CLIC5: variants seen among roughly 807,000 people sequenced by gnomAD.
CLIC5 encodes CLIC family member 5, also known as chloride intracellular channel protein 5.
In CLIC5, 20 loss-of-function variants were observed where a neutral mutation model predicts 24.7. The observed-to-expected ratio is 0.81, with a 90% CI of 0.57 to 1.18. The LOEUF is 1.18. CLIC5 is among the 50% of genes most tolerant of loss of function. The pLI is 0.00. For missense variants in CLIC5, 341 were observed against 326.1 expected, an observed-to-expected ratio of 1.05 and a Z score of -0.35; for synonymous variants, 159 against 135.6, an observed-to-expected ratio of 1.17 and a Z score of -1.20.
At chr6:45,908,307 A>C (rs933617818) in intron 5 of CLIC5, among the ~76,000 whole-genome samples, 1 of 152,080 alleles carries the variant, frequency 6.6e-6, no homozygotes, top group Admixed American at 6.5e-5. Context: ...TTCTTTTACT[A>C]TACTAGCTTT....
At chr6:45,976,161 A>T (rs1765377921) in intron 1 of CLIC5, among the ~76,000 whole-genome samples, 1 of 152,188 alleles carries the variant, frequency 6.6e-6, no homozygotes, top group East Asian at 1.9e-4. Context: ...TCACCTATGG[A>T]GAGATGAAGG....
intron 1 of CLIC5, among the ~76,000 whole-genome samples, chr6:45,977,947 T>G (rs1462610723): frequency 6.6e-6 from 1 of 152,144 alleles, no homozygotes; most frequent in East Asian, 1.9e-4. Flanking sequence ...CCCTGTAGCT[T>G]GCTGCAGTGG....
At chr6:46,129,494 A>T in the CLIC5 span, 1 of 152,214 alleles carries the variant, frequency 6.6e-6, no homozygotes, top group Non-Finnish European at 1.5e-5. Context: ...CCTTACTTGT[A>T]AACTATTACC....
chr6:46,031,245 C>T (rs528868918), intron 1 of CLIC5, among the ~76,000 whole-genome samples: 1 of 152,320 alleles, frequency 6.6e-6, no homozygotes, highest in East Asian at 1.9e-4. Flanking sequence ...CCTTGCCCCT[C>T]ATCCTTTCTG....
intron 1 of CLIC5, among the ~76,000 whole-genome samples, chr6:45,994,370 C>T (rs1456538889): frequency 1.3e-5 from 2 of 152,104 alleles, no homozygotes; most frequent in African/African-American, 4.8e-5. Context: ...AGCCATTGTC[C>T]TCAGCAAACT....
At chr6:46,018,491 C>CA (rs1045462263), upstream of CLIC5, among the ~76,000 whole-genome samples, 8 of 151,672 alleles carry the variant, frequency 5.3e-5, no homozygotes, top group Admixed American at 1.3e-4. Flanking sequence ...CTTCATGCTG[C>CA]AAAAAAAATA....
intron 1 of CLIC5, among the ~76,000 whole-genome samples, chr6:46,035,536 G>A (rs184197543): frequency 4.6e-5 from 7 of 152,190 alleles, no homozygotes; most frequent in Non-Finnish European, 8.8e-5. Flanking sequence ...ATTGAATCTT[G>A]CAGAATTGTG....
chr6:46,011,095 G>A (rs1269443268), intron 1 of CLIC5, among the ~76,000 whole-genome samples: 6 of 152,158 alleles, frequency 3.9e-5, no homozygotes, highest in African/African-American at 9.7e-5. Flanking sequence ...AAGACTAGTC[G>A]TTTCCATCAG....
At chr6:45,892,251 A>C (rs1208915671) in intron 6 of CLIC5, 3 of 138,130 alleles carry the variant, frequency 2.2e-5, no homozygotes. Flanking sequence ...AAGAAAATAG[A>C]TATGGTACAG....
chr6:45,928,177 C>G (rs1162911952), intron 4 of CLIC5, among the ~76,000 whole-genome samples: 5 of 152,114 alleles, frequency 3.3e-5, no homozygotes, highest in African/African-American at 1.2e-4. Flanking sequence ...CAACAAATTA[C>G]CCTCTCTAAA....
chr6:45,954,883 C>T (rs1283367729), intron 2 of CLIC5, among the ~76,000 whole-genome samples: 1 of 152,200 alleles, frequency 6.6e-6, no homozygotes, highest in Non-Finnish European at 1.5e-5. Context: ...AGTTGCAATG[C>T]CATTGTCCAT....
the CLIC5 span, among the ~76,000 whole-genome samples, chr6:46,104,907 A>C: frequency 6.6e-6 from 1 of 152,196 alleles, no homozygotes; most frequent in East Asian, 1.9e-4. Context: ...TCCAGCTTGC[A>C]GTGTGACAGC....
intron 1 of CLIC5, among the ~76,000 whole-genome samples, chr6:45,997,010 A>G (rs1213239213): frequency 6.6e-6 from 1 of 152,182 alleles, no homozygotes; most frequent in Non-Finnish European, 1.5e-5. Context: ...CTGGGTATAT[A>G]CCCAAAAGAC....
intron 4 of CLIC5, among the ~76,000 whole-genome samples, chr6:45,923,414 C>T (rs1467375020): frequency 6.6e-6 from 1 of 152,250 alleles, no homozygotes; most frequent in African/African-American, 2.4e-5. Flanking sequence ...TGTCTTGTTT[C>T]ATCCTCAAAT....
intron 1 of CLIC5, among the ~76,000 whole-genome samples, chr6:46,063,153 T>C (rs1015978506): frequency 3.3e-5 from 5 of 152,214 alleles, no homozygotes; most frequent in African/African-American, 1.2e-4. Flanking sequence ...TCTCACAATG[T>C]CACTTTAATG....
At chr6:45,963,798 C>G (rs532092624) in intron 1 of CLIC5, among the ~76,000 whole-genome samples, 1 of 152,158 alleles carries the variant, frequency 6.6e-6, no homozygotes, top group Non-Finnish European at 1.5e-5. Context: ...GAATTTGCCT[C>G]ATTTCAATTA....
chr6:45,981,668 T>A lies in CLIC5; in HGVS notation c.64-26424A>T, dbSNP rs146325793. On this transcript the variant is annotated intron_variant, in intron 1 of 5. Transcript: ENST00000339561. Reference sequence around the variant, plus strand: ...TTGCTGTTCAGTTTTGGTGGGCATCTACCAAGGGAACCACTCTGGAGGAAG... The same window carrying A: ...TTGCTGTTCAGTTTTGGTGGGCATCAACCAAGGGAACCACTCTGGAGGAAG... Among the ~76,000 whole-genome samples, 30 of 152,260 alleles carry A rather than the reference T, an allele frequency of 2.0e-4. No individual in the cohort carries two copies. The East Asian group carries it at 3.1e-3, about 16-fold the overall frequency.
In CLIC5 at chr6:45,900,117, A is replaced by G. The variant is rs1315627335; in HGVS notation, c.*2971T>C. 6.6e-6 allele frequency: 1 copy of G among 152,198 alleles called. No individual in the cohort carries two copies. Among genetic ancestry groups the G allele is most frequent in the Non-Finnish European group, 1.5e-5 (1 of 68,046 alleles). The allele number at this position is 152,198 out of a possible 1,614,324, so 9.4% of individuals were successfully genotyped here. On this transcript the variant is annotated 3_prime_UTR_variant, in exon 6 of 6. Transcript: ENST00000339561. ...AATACCTTCTCTCTGGGCCAAACTCAGAAGCAGGCATTGCTGACTAGACAG... is the reference window on the plus strand; with the variant it reads ...AATACCTTCTCTCTGGGCCAAACTCGGAAGCAGGCATTGCTGACTAGACAG...
the CLIC5 span, among the ~76,000 whole-genome samples, chr6:46,092,864 C>T: frequency 6.6e-6 from 1 of 152,108 alleles, no homozygotes; most frequent in Non-Finnish European, 1.5e-5. Context: ...ATACTAAGAA[C>T]TCTCCTTTAA....
Sources: gnomAD v4.1 joint callset for allele counts (sites outside exome capture counted in the v4.1 genomes callset) on GRCh38, gnomAD v4.1.1 for gene constraint, MANE v1.5 for transcripts, NCBI Gene and HGNC (gene_info 2026-07-23, HGNC 2026-07-21) for gene names.